The following STUM variants were observed in gnomAD, a reference collection of about 807,000 sequenced individuals.
STUM encodes stum, mechanosensory transduction mediator homolog, also known as protein stum homolog.
Under a neutral mutation model 15.3 loss-of-function variants are expected in STUM, and 8 were observed. That is an observed-to-expected ratio of 0.52 (90% CI 0.31 to 0.94). The LOEUF (loss-of-function observed/expected upper bound fraction) is 0.94, where lower values mean the gene tolerates loss of function less well. STUM is among the 40% of genes least tolerant of loss of function. The probability of loss-of-function intolerance (pLI) is 0.05; values close to 1 mark genes in which losing one functional copy is unlikely to be tolerated. For synonymous variants in STUM, 78 were observed against 88.7 expected, an observed-to-expected ratio of 0.88 and a Z score of 0.68; for missense variants, 142 against 204.9, an observed-to-expected ratio of 0.69 and a Z score of 1.87.
chr1:226,565,181 A>G lies in STUM; in HGVS notation c.202+16075A>G, dbSNP rs905912877. On this transcript the variant is annotated intron_variant, in intron 1 of 3. Transcript: ENST00000366788. The surrounding 1 kb of genome is among the most constrained non-coding windows in gnomAD (Gnocchi z 4.4). ...GAATTCCATTCTACAGCCCCCTTCTACTACCCCAGCCCTCTCCGCCCAACA... is the reference window on the plus strand; with the variant it reads ...GAATTCCATTCTACAGCCCCCTTCTGCTACCCCAGCCCTCTCCGCCCAACA... 2.0e-5 allele frequency among the ~76,000 whole-genome samples: 3 copies of G among 151,918 alleles called. No individual in the cohort carries two copies. Among genetic ancestry groups the G allele is most frequent in the Non-Finnish European group, 4.4e-5 (3 of 67,984 alleles).
At chr1:226,595,296 C>T (rs1021914194) in intron 1 of STUM, among the ~76,000 whole-genome samples, 11 of 152,178 alleles carry the variant, frequency 7.2e-5, no homozygotes, top group Non-Finnish European at 1.0e-4. Context: ...CCTGTTTGTT[C>T]CTGCTAGGCC....
intron 1 of STUM, among the ~76,000 whole-genome samples, chr1:226,561,120 T>C (rs1459981390): frequency 6.6e-6 from 1 of 152,138 alleles, no homozygotes; most frequent in Non-Finnish European, 1.5e-5. Flanking sequence ...CTCAGAATGG[T>C]CAGGTCATGT....
chr1:226,596,586 C>A (rs1668183682), intron 1 of STUM, among the ~76,000 whole-genome samples: 1 of 152,228 alleles, frequency 6.6e-6, no homozygotes, highest in South Asian at 2.1e-4. Context: ...CCGTGCAATA[C>A]CTCCTCCAGG....
chr1:226,600,637 C>G lies in STUM; in HGVS notation c.383-29C>G. ...TCTTCTTCTCTCTCTCCTCTTCCTC[C>G]TGCTGCCTCCCACTCTGTGCTGCTG... On this transcript the variant is annotated intron_variant, in intron 2 of 3. Coordinates refer to ENST00000366788, the MANE Select transcript of STUM (RefSeq NM_001003665.4). This position sits in a 1 kb window ranked among gnomAD's most constrained non-coding sequence, Gnocchi z 5.2. 6.2e-7 allele frequency: 1 copy of G among 1,610,744 alleles called. No individual in the cohort carries two copies. Among genetic ancestry groups the G allele is most frequent in the Middle Eastern group, 1.7e-4 (1 of 6,060 alleles).
chr1:226,601,938 G>T, intron 3 of STUM, 68 bp from the exon 4 acceptor site: 1 of 1,405,246 alleles, frequency 7.1e-7, no homozygotes, highest in Admixed American at 1.7e-5. Context: ...CTGGGCTAGG[G>T]GCACCTCCTG....
rs555709473 is a variant in STUM, at chr1:226,551,418, C to T, written c.202+2312C>T. Among the ~76,000 whole-genome samples, 4 of 152,328 alleles carry T rather than the reference C, an allele frequency of 2.6e-5. No individual in the cohort carries two copies. In the South Asian group the frequency reaches 6.2e-4, roughly 24 times the overall value. On this transcript the variant is annotated intron_variant, in intron 1 of 3. Transcript: ENST00000366788. ...TCTTTGAGTGCTTTTGATCCCTCTG[C>T]TCCCCTCTCCACCTGCAGTGGAGTC...
intron 1 of STUM, among the ~76,000 whole-genome samples, chr1:226,562,827 A>C (rs1304195728): frequency 1.3e-5 from 2 of 152,254 alleles, no homozygotes; most frequent in Non-Finnish European, 2.9e-5. Flanking sequence ...CATTATTGAG[A>C]CAATTGACAA....
chr1:226,571,180 G>A (rs564531534), intron 1 of STUM, among the ~76,000 whole-genome samples: 4 of 152,240 alleles, frequency 2.6e-5, no homozygotes, highest in African/African-American at 9.6e-5. Flanking sequence ...GCAGTGAGCC[G>A]AGATCACATC....
intron 1 of STUM, among the ~76,000 whole-genome samples, chr1:226,581,072 T>C (rs1373784054): frequency 6.6e-6 from 1 of 152,092 alleles, no homozygotes; most frequent in Middle Eastern, 3.2e-3. Flanking sequence ...TTCCAGCCCA[T>C]AGGAAAGGAA....
intron 1 of STUM, among the ~76,000 whole-genome samples, chr1:226,584,237 A>G (rs1262065181): frequency 6.6e-6 from 1 of 151,324 alleles, no homozygotes; most frequent in Non-Finnish European, 1.5e-5. Context: ...TGTTGAATGG[A>G]CCATCTACAC....
chr1:226,606,244 G>A lies in STUM; in HGVS notation c.*4204G>A, dbSNP rs1668355805. 1 of 152,198 alleles carries A rather than the reference G, an allele frequency of 6.6e-6. No individual in the cohort carries two copies. Among genetic ancestry groups the A allele is most frequent in the Non-Finnish European group, 1.5e-5 (1 of 68,046 alleles). The allele number at this position is 152,198 out of a possible 1,614,324, so 9.4% of individuals were successfully genotyped here. On this transcript the variant is annotated 3_prime_UTR_variant, in exon 4 of 4. Transcript: ENST00000366788. ...GCCCTGGTCTTTCTGCACCAGCGTG[G>A]CTCTTTAAAATACAAAACACCCACA...
chr1:226,566,563 G>A (rs1667629265), intron 1 of STUM, among the ~76,000 whole-genome samples: 1 of 151,994 alleles, frequency 6.6e-6, no homozygotes, highest in Admixed American at 6.5e-5. Flanking sequence ...AGCAATTCAG[G>A]TCTCTTACCC....
In STUM at chr1:226,606,454, C is replaced by T. The variant is rs941469152; in HGVS notation, c.*4414C>T. On this transcript the variant is annotated 3_prime_UTR_variant, in exon 4 of 4. Coordinates refer to ENST00000366788, the MANE Select transcript of STUM (RefSeq NM_001003665.4). ...TAGGCTTTAATTGCATTGGCTGTTT[C>T]TTATGGTGTTAGTGAATTTTGCAAA... is the stretch of plus-strand genomic sequence containing the variant. 2.6e-5 allele frequency: 4 copies of T among 152,178 alleles called. No homozygotes were observed. The highest frequency in any genetic ancestry group is 9.7e-5 in the African/African-American group (4 of 41,420). The allele number at this position is 152,178 out of a possible 1,614,324, so 9.4% of individuals were successfully genotyped here. A position where few individuals can be genotyped will look rare whatever the true frequency, so the allele number is the denominator to read the frequency against.
intron 1 of STUM, among the ~76,000 whole-genome samples, chr1:226,585,406 G>C (rs974643632): frequency 6.6e-6 from 1 of 152,160 alleles, no homozygotes; most frequent in Non-Finnish European, 1.5e-5. Flanking sequence ...TGTGTTCTAA[G>C]TACTTTACCT....
At chr1:226,580,088 A>T (rs1350716712) in intron 1 of STUM, among the ~76,000 whole-genome samples, 1 of 151,726 alleles carries the variant, frequency 6.6e-6, no homozygotes, top group East Asian at 1.9e-4. Context: ...AGGCGGTGTT[A>T]GCAGAGACAA....
intron 1 of STUM, among the ~76,000 whole-genome samples, chr1:226,574,274 CT>C (rs1222456594): frequency 4.6e-5 from 7 of 152,344 alleles, no homozygotes; most frequent in African/African-American, 1.7e-4. Flanking sequence ...GTAACCACTG[CT>C]TCTACTCTCT....
rs1039725212 is a variant in STUM, at chr1:226,603,110, C to G, written c.*1070C>G. ...ACTAAGTAACTTAGGGAAAAACTTA[C>G]CATTTGAGAGCTTTTAGGGTTTCAG... On this transcript the variant is annotated 3_prime_UTR_variant, in exon 4 of 4. Transcript: ENST00000366788. 6.6e-6 allele frequency: 1 copy of G among 152,216 alleles called. No individual in the cohort carries two copies. The highest frequency in any genetic ancestry group is 6.5e-5 in the Admixed American group (1 of 15,284). The allele number at this position is 152,216 out of a possible 1,614,324, so 9.4% of individuals were successfully genotyped here. A position where few individuals can be genotyped will look rare whatever the true frequency, so the allele number is the denominator to read the frequency against.
chr1:226,552,679 A>G lies in STUM; in HGVS notation c.202+3573A>G, dbSNP rs761843182. Among the ~76,000 whole-genome samples the G allele has an allele frequency of 2.6e-5, 4 of 152,080 alleles. No homozygotes were observed. The highest frequency in any genetic ancestry group is 5.9e-5 in the Non-Finnish European group (4 of 68,020). ...ACAATTTATCCCTAACACACTGCCT[A>G]CTCTTTGATGCTGCTAAAGTCTTGC... On this transcript the variant is annotated intron_variant, in intron 1 of 3. Transcript: ENST00000366788. This position sits in a 1 kb window ranked among gnomAD's most constrained non-coding sequence, Gnocchi z 4.7.
rs1337269239 is a variant in STUM at position 226,605,365 on chromosome 1, A to T, written c.*3325A>T. 6.6e-6 allele frequency: 1 copy of T among 152,344 alleles called. No individual in the cohort carries two copies. The highest frequency in any genetic ancestry group is 1.5e-5 in the Non-Finnish European group (1 of 68,180). The allele number at this position is 152,344 out of a possible 1,614,324, so 9.4% of individuals were successfully genotyped here. A position where few individuals can be genotyped will look rare whatever the true frequency, so the allele number is the denominator to read the frequency against. ...AAACACTCAGCTCCTAAGTGGCAGG[A>T]CAGGCAAGTGGCCAGGTTGGGCCGC... is the stretch of plus-strand genomic sequence containing the variant. On this transcript the variant is annotated 3_prime_UTR_variant, in exon 4 of 4. Transcript: ENST00000366788. The surrounding 1 kb of genome is among the most constrained non-coding windows in gnomAD (Gnocchi z 4.0).
Sources: allele counts gnomAD v4.1 joint callset (sites outside exome capture counted in the v4.1 genomes callset), GRCh38; gene constraint gnomAD v4.1.1; non-coding constraint Gnocchi (gnomAD v3.1); transcripts MANE v1.5; gene names NCBI Gene and HGNC (gene_info 2026-07-23, HGNC 2026-07-21).